The following SV2C variants were observed in gnomAD, a reference collection of about 807,000 sequenced individuals.
The protein encoded by SV2C is synaptic vesicle glycoprotein 2C.
Under a neutral mutation model 79.7 loss-of-function variants are expected in SV2C, and 49 were observed. The ratio of observed to expected loss-of-function variants is 0.61; its 90% CI spans 0.49 to 0.78. SV2C has a LOEUF of 0.78. SV2C is among the 30% of genes least tolerant of loss of function. The probability of loss-of-function intolerance (pLI) is 0.00; values close to 1 mark genes in which losing one functional copy is unlikely to be tolerated. For synonymous variants in SV2C, 334 were observed against 333.2 expected, an observed-to-expected ratio of 1.00 and a Z score of -0.03; for missense variants, 833 against 912.9, an observed-to-expected ratio of 0.91 and a Z score of 1.13.
the SV2C span, among the ~76,000 whole-genome samples, chr5:76,015,137 C>T: frequency 5.3e-5 from 8 of 152,134 alleles, no homozygotes; most frequent in African/African-American, 7.2e-5. Flanking sequence ...TTAACAAAGG[C>T]GTGAGTTCTT....
chr5:75,973,161 C>T, the SV2C span, among the ~76,000 whole-genome samples: 1 of 150,944 alleles, frequency 6.6e-6, no homozygotes, highest in African/African-American at 2.5e-5. Flanking sequence ...GAACATCACA[C>T]ACCGGGGACG....
chr5:75,872,014 T>C, the SV2C span, among the ~76,000 whole-genome samples: 1 of 147,328 alleles, frequency 6.8e-6, no homozygotes. Context: ...ATTTATTTTA[T>C]ATAATATATT....
At chr5:75,994,467 C>A in the SV2C span, among the ~76,000 whole-genome samples, 4 of 151,598 alleles carry the variant, frequency 2.6e-5, no homozygotes, top group East Asian at 6.2e-4. Flanking sequence ...TCTGAATCTG[C>A]CTTTGACTAG....
intron 2 of SV2C, among the ~76,000 whole-genome samples, chr5:76,169,056 C>T (rs991550272): frequency 6.6e-6 from 1 of 152,136 alleles, no homozygotes; most frequent in Non-Finnish European, 1.5e-5. Context: ...CTGAGTCAGG[C>T]AGTTCTACTA....
chr5:76,173,573 T>C (rs1428928168), intron 2 of SV2C: 1 of 1,542,562 alleles, frequency 6.5e-7, no homozygotes, highest in Non-Finnish European at 9.0e-7. Context: ...GCTGGCACTG[T>C]TGAATTGGGC....
chr5:76,186,338 A>G (rs1004554265), intron 2 of SV2C, among the ~76,000 whole-genome samples: 3 of 152,174 alleles, frequency 2.0e-5, no homozygotes, highest in African/African-American at 7.2e-5. Context: ...GTACCAATTT[A>G]GTGTATTAGT....
At chr5:75,910,077 G>A in the SV2C span, among the ~76,000 whole-genome samples, 2 of 152,192 alleles carry the variant, frequency 1.3e-5, no homozygotes, top group South Asian at 2.1e-4. Flanking sequence ...TGTGGGATGA[G>A]TGAATCAGTG....
chr5:75,968,614 G>A, the SV2C span, among the ~76,000 whole-genome samples: 2 of 152,162 alleles, frequency 1.3e-5, no homozygotes, highest in Admixed American at 6.5e-5. Flanking sequence ...AGTGTGAAGA[G>A]AAGTTTAGAG....
the SV2C span, among the ~76,000 whole-genome samples, chr5:75,859,121 T>A: frequency 6.6e-6 from 1 of 152,190 alleles, no homozygotes; most frequent in Non-Finnish European, 1.5e-5. Context: ...TTTCTACTAA[T>A]TTTGGTTTTG....
intron 4 of SV2C, among the ~76,000 whole-genome samples, chr5:76,278,304 A>C (rs1747083670): frequency 6.6e-6 from 1 of 152,064 alleles, no homozygotes; most frequent in African/African-American, 2.4e-5. Context: ...GTAATATGTA[A>C]ACAACACATG....
the SV2C span, among the ~76,000 whole-genome samples, chr5:75,866,194 C>T: frequency 2.7e-5 from 4 of 148,542 alleles, no homozygotes; most frequent in Non-Finnish European, 5.9e-5. Flanking sequence ...TGTCCACATG[C>T]ATCAGTTCAT....
At chr5:76,319,146 C>T (rs749770021) in intron 12 of SV2C, among the ~76,000 whole-genome samples, 1 of 152,090 alleles carries the variant, frequency 6.6e-6, no homozygotes, top group African/African-American at 2.4e-5. Flanking sequence ...CGTGGTGGCT[C>T]ACGCCTGTAA....
the SV2C span, among the ~76,000 whole-genome samples, chr5:75,934,659 G>A: frequency 6.6e-6 from 1 of 152,094 alleles, no homozygotes; most frequent in Non-Finnish European, 1.5e-5. Context: ...GAAAAAGGAT[G>A]TTAGAGTGAT....
intron 1 of SV2C, among the ~76,000 whole-genome samples, chr5:76,091,011 A>G (rs1464911332): frequency 6.6e-6 from 1 of 152,148 alleles, no homozygotes; most frequent in African/African-American, 2.4e-5. Context: ...AGTTCTAAGC[A>G]CGCCAATTTT....
intron 2 of SV2C, among the ~76,000 whole-genome samples, chr5:76,146,253 C>G (rs1165701454): frequency 6.6e-6 from 1 of 152,044 alleles, no homozygotes; most frequent in Non-Finnish European, 1.5e-5. Context: ...GGATGTCACG[C>G]AAGAAAGAAT....
downstream of SV2C, among the ~76,000 whole-genome samples, chr5:76,335,500 T>C (rs1205405805): frequency 7.2e-6 from 1 of 138,578 alleles, no homozygotes; most frequent in Non-Finnish European, 1.5e-5. Context: ...AGGACAATAG[T>C]GGAGGGAAGG....
At chr5:75,982,797 G>C in the SV2C span, among the ~76,000 whole-genome samples, 35 of 152,138 alleles carry the variant, frequency 2.3e-4, no homozygotes, top group Non-Finnish European at 4.6e-4. Flanking sequence ...AAAACAACAA[G>C]ATCATGTCCT....
chr5:76,326,011 T>C lies in SV2C; in HGVS notation c.*464T>C, dbSNP rs1748986355. On this transcript the variant is annotated 3_prime_UTR_variant, in exon 13 of 13. Coordinates refer to ENST00000502798, the MANE Select transcript of SV2C (RefSeq NM_014979.4). ...TTTTTTCTAACAGAGTGATATTTCC[T>C]GTTTACTTAGAAAAGGACACCCAGT... is the stretch of plus-strand genomic sequence containing the variant. 6.5e-6 allele frequency: 1 copy of C among 153,876 alleles called. No homozygotes were observed. The highest frequency in any genetic ancestry group is 1.4e-5 in the Non-Finnish European group (1 of 69,510). The allele number at this position is 153,876 out of a possible 1,614,324, so 9.5% of individuals were successfully genotyped here.
intron 4 of SV2C, among the ~76,000 whole-genome samples, chr5:76,228,336 G>T (rs1745316066): frequency 6.6e-6 from 1 of 152,198 alleles, no homozygotes; most frequent in Admixed American, 6.5e-5. Flanking sequence ...AAGTGCGACA[G>T]GGCAGAAGAC....
Sources: gnomAD v4.1 joint callset for allele counts (sites outside exome capture counted in the v4.1 genomes callset) on GRCh38, gnomAD v4.1.1 for gene constraint, MANE v1.5 for transcripts, NCBI Gene and HGNC (gene_info 2026-07-23, HGNC 2026-07-21) for gene names.